The following CISD3 variants were observed in gnomAD, a reference collection of about 807,000 sequenced individuals.
CISD3 encodes the protein CDGSH iron sulfur domain 3.
A neutral mutation model predicts 14.1 loss-of-function variants in CISD3; 11 were observed. The observed-to-expected ratio is 0.78, with a 90% CI of 0.49 to 1.29. The LOEUF is 1.29. Among genes scored for constraint, CISD3 ranks in the 50% most tolerant of loss-of-function variants. CISD3 has a pLI of 0.00. For synonymous variants in CISD3, 53 were observed against 69.2 expected, an observed-to-expected ratio of 0.77 and a Z score of 1.16; for missense variants, 156 against 171.6, an observed-to-expected ratio of 0.91 and a Z score of 0.51.
rs756034263 is a variant in CISD3, at chr17:38,733,426, C to A, written c.355C>A (p.Gln119Lys). 1.4e-5 allele frequency: 22 copies of A among 1,543,802 alleles called. No individual in the cohort carries two copies. Among genetic ancestry groups the A allele is most frequent in the Admixed American group, 7.9e-5 (4 of 50,528 alleles). Residue 119 changes from glutamine (Q) to lysine (K), a missense_variant, in exon 4 of 4, where the codon CAG becomes AAG. Coordinates refer to ENST00000613478, the MANE Select transcript of CISD3 (RefSeq NM_001136498.2). The stretch of plus-strand genomic sequence containing the variant: ...TGGCACCCACAGGAGTGAGCGCGTG[C>A]AGAAGGCAGAAGTGGGCTCCCCACT... ...CDGTHRSERVQKAEVGSPL is the reference protein window; with the variant it reads ...CDGTHRSERVKKAEVGSPL
chr17:38,732,940 C>CACAG (rs1200722373), intron 3 of CISD3, among the ~76,000 whole-genome samples: 1 of 103,454 alleles, frequency 9.7e-6, no homozygotes, highest in African/African-American at 3.1e-5. Flanking sequence ...GACTCAGAGA[C>CACAG]ACACACACAC....
Position 38,730,351 on chromosome 17 carries a change from A to AGGCGACCATGCGCGGCGCGGG in CISD3, c.-2_19dup. On this transcript the variant is annotated 5_prime_UTR_variant, in exon 1 of 4. In the 5' UTR this introduces an upstream ATG that the reference lacks. Coordinates refer to ENST00000613478, the MANE Select transcript of CISD3 (RefSeq NM_001136498.2). ...AGCCAGCGGGCGGGCGCGGCGCGGG[A>AGGCGACCATGCGCGGCGCGGG]GGCGACCATGCGCGGCGCGGGGGCG... is the stretch of plus-strand genomic sequence containing the variant. 1 of 1,142,084 alleles carries AGGCGACCATGCGCGGCGCGGG rather than the reference A, an allele frequency of 8.8e-7. No individual in the cohort carries two copies. The highest frequency in any genetic ancestry group is 4.2e-5 in the South Asian group (1 of 23,576). The allele number at this position is 1,142,084 out of a possible 1,614,324, so 70.7% of individuals were successfully genotyped here.
intron 3 of CISD3, among the ~76,000 whole-genome samples, chr17:38,732,936 G>GACAC (rs1416731966): frequency 1.3e-4 from 12 of 89,736 alleles, no homozygotes; most frequent in African/African-American, 2.7e-4. Context: ...TGGAGACTCA[G>GACAC]AGACACACAC....
At chr17:38,732,168 T>TAC (rs2143734104) in intron 3 of CISD3, among the ~76,000 whole-genome samples, 1 of 152,340 alleles carries the variant, frequency 6.6e-6, no homozygotes, top group African/African-American at 2.4e-5. Context: ...CTTTCCTTCC[T>TAC]GAGCAGAGCT....
At chr17:38,733,168 G>A in intron 3 of CISD3, 108 bp from the exon 4 acceptor site, 1 of 1,041,546 alleles carries the variant, frequency 9.6e-7, no homozygotes, top group Non-Finnish European at 1.4e-6. Flanking sequence ...TTGCTCTGGA[G>A]CCTGTACCCT....
intron 1 of CISD3, 175 bp downstream of exon 1, chr17:38,730,581 C>T: frequency 2.4e-6 from 2 of 831,076 alleles, no homozygotes; most frequent in Non-Finnish European, 3.8e-6. Context: ...CCAGGACCTC[C>T]GCAGCCAGCA....
Position 38,730,402 on chromosome 17 carries a change from C to T in CISD3, c.44C>T (p.Ala15Val). Residue 15 changes from alanine to valine, a missense_variant, in exon 1 of 4, where the codon GCC becomes GTC. Transcript: ENST00000613478. ...ATCCTGCGGCCGGCGGCGCGTGGTG[C>T]CCGGGTGAGCACCCCCGCCCTGCAC... ...GAILRPAARGARDLNPRRDIS... is the reference protein window; with the variant it reads ...GAILRPAARGVRDLNPRRDIS... 1 of 1,217,454 alleles carries T rather than the reference C, an allele frequency of 8.2e-7. No individual in the cohort carries two copies. The allele number at this position is 1,217,454 out of a possible 1,614,324, so 75.4% of individuals were successfully genotyped here. A position where few individuals can be genotyped will look rare whatever the true frequency, so the allele number is the denominator to read the frequency against.
exon 4 of CISD3, chr17:38,735,604 CG>C: frequency 1.3e-6 from 2 of 1,548,310 alleles, no homozygotes; most frequent in East Asian, 2.3e-5. Flanking sequence ...GCCCGTTCTG[CG>C]GGGAGAGTGG....
chr17:38,731,358 G>C lies in CISD3; in HGVS notation c.123G>C (p.Val41=). 1 of 1,551,598 alleles carries C rather than the reference G, an allele frequency of 6.4e-7. No individual in the cohort carries two copies. The highest frequency in any genetic ancestry group is 8.7e-7 in the Non-Finnish European group (1 of 1,146,978). Residue 41 remains valine (V), a synonymous_variant, in exon 3 of 4, where the codon GTG becomes GTC. Transcript: ENST00000613478. ...WFPRTPARSV[V]ALKTPIKVEL... The stretch of plus-strand genomic sequence containing the variant: ...CTAGAACCCCAGCCAGGTCCGTGGT[G>C]GCCCTGAAGACCCCCATCAAGGTGG...
chr17:38,730,461 C>T, intron 1 of CISD3, 55 bp downstream of exon 1: 1 of 1,200,630 alleles, frequency 8.3e-7, no homozygotes. Context: ...CGGGCCCCTG[C>T]CAGCCCCCAC....
chr17:38,730,435 C>T (rs1362638748), intron 1 of CISD3, 29 bp downstream of exon 1: 4 of 1,307,856 alleles, frequency 3.1e-6, no homozygotes, highest in Non-Finnish European at 2.9e-6. Context: ...CACCAGCCCC[C>T]GTCCCGAACC....
At chr17:38,731,614 C>T (rs1053174980) in intron 3 of CISD3, among the ~76,000 whole-genome samples, 175 bp downstream of exon 3, 1 of 152,182 alleles carries the variant, frequency 6.6e-6, no homozygotes, top group Non-Finnish European at 1.5e-5. Flanking sequence ...TGCATCTACC[C>T]CTTGCAATGA....
At position 38,735,087 on chromosome 17, in the gene CISD3, ATATT is replaced by A. The variant is rs1226260132; in HGVS notation, c.*1640_*1643del. On this transcript the variant is annotated 3_prime_UTR_variant, in exon 4 of 4. Coordinates refer to ENST00000613478, the MANE Select transcript of CISD3 (RefSeq NM_001136498.2). ...GTTTTTCCTATGTACATATATATAT[ATATT>A]TATTTATAAAACCCGCCCCCCACCC... The A allele has an allele frequency of 1.9e-6, 1 of 516,628 alleles. No homozygotes were observed. Among genetic ancestry groups the A allele is most frequent in the Admixed American group, 3.8e-5 (1 of 26,124 alleles). The allele number at this position is 516,628 out of a possible 1,614,324, so 32.0% of individuals were successfully genotyped here.
chr17:38,730,392 G>A lies in CISD3; in HGVS notation c.34G>A (p.Ala12Thr), dbSNP rs1183524951. The A allele has an allele frequency of 6.6e-6, 8 of 1,209,284 alleles. No homozygotes were observed. The highest frequency in any genetic ancestry group is 8.2e-6 in the Non-Finnish European group (8 of 973,390). 74.9% of individuals were successfully genotyped at this position (1,209,284 alleles called of 1,614,324 possible). A position where few individuals can be genotyped will look rare whatever the true frequency, so the allele number is the denominator to read the frequency against. The change falls in exon 1 of 4, where the codon GCG (alanine) becomes ACG (threonine). Residue 12 changes from alanine (A) to threonine (T), a missense_variant. Ala to Thr is a moderately conservative substitution (Grantham distance 58). Transcript: ENST00000613478. ...RGAGAILRPA[A>T]RGARDLNPRR... is the part of the protein sequence containing the mutation. The stretch of plus-strand genomic sequence containing the variant: ...CGCGGGGGCGATCCTGCGGCCGGCG[G>A]CGCGTGGTGCCCGGGTGAGCACCCC...
At chr17:38,732,938 G>GACACACAC (rs148830489) in intron 3 of CISD3, among the ~76,000 whole-genome samples, 1,485 of 116,636 alleles carry the variant, frequency 0.013, 24 homozygotes, top group African/African-American at 0.036. Flanking sequence ...GAGACTCAGA[G>GACACACAC]ACACACACAC....
At chr17:38,730,656 C>T in intron 1 of CISD3, 104 bp from the exon 2 acceptor site, 2 of 1,211,836 alleles carry the variant, frequency 1.7e-6, no homozygotes, top group African/African-American at 1.5e-5. Flanking sequence ...CTGTCACCTC[C>T]TCCTTCCTAG....
At chr17:38,733,236 G>T in intron 3 of CISD3, 40 bp from the exon 4 acceptor site, 3 of 1,447,144 alleles carry the variant, frequency 2.1e-6, no homozygotes, top group Non-Finnish European at 2.8e-6. Context: ...TGCCCCAGCA[G>T]GTGGGGTCAG....
At chr17:38,731,155 C>G in intron 2 of CISD3, 165 bp from the exon 3 acceptor site, 1 of 932,104 alleles carries the variant, frequency 1.1e-6, no homozygotes, top group Non-Finnish European at 1.6e-6. Flanking sequence ...GCTCACGGTC[C>G]TATGGTGTCC....
Position 38,731,320 on chromosome 17 carries a change from G to A in CISD3, c.85G>A (p.Ala29Thr), listed in dbSNP as rs1475792317. ...NPRRDISSWL[A>T]QWFPRTPARS... ...AGCCCCTCATCTTCCCTGGCCACAG[G>A]CCCAGTGGTTCCCTAGAACCCCAGC... Residue 29 changes from alanine (A) to threonine (T), a missense_variant and splice_region_variant, in exon 3 of 4, where the codon GCC becomes ACC. By Grantham distance (58) the Ala-to-Thr change is moderately conservative (BLOSUM62 0). Coordinates refer to ENST00000613478, the MANE Select transcript of CISD3 (RefSeq NM_001136498.2). 1.3e-5 allele frequency: 20 copies of A among 1,551,044 alleles called. No individual in the cohort carries two copies. The highest frequency in any genetic ancestry group is 1.6e-5 in the Non-Finnish European group (18 of 1,146,934).
Sources: gnomAD v4.1 joint callset for allele counts (sites outside exome capture counted in the v4.1 genomes callset) on GRCh38, gnomAD v4.1.1 for gene constraint, MANE v1.5 for transcripts, NCBI Gene and HGNC (gene_info 2026-07-23, HGNC 2026-07-21) for gene names.